The following PPM1E variants were observed in gnomAD, a reference collection of about 807,000 sequenced individuals.
The protein encoded by PPM1E is protein phosphatase 1E.
In PPM1E, 20 loss-of-function variants were observed where a neutral mutation model predicts 65.9. The observed-to-expected ratio is 0.30, with a 90% CI of 0.21 to 0.44. PPM1E has a LOEUF of 0.44. Ranked by LOEUF, PPM1E falls within the 20% of genes least tolerant of loss-of-function variation. The pLI, the probability that PPM1E is intolerant of heterozygous loss-of-function variation, is 1.00. For missense variants in PPM1E, 713 were observed against 953.1 expected (o/e 0.75, Z 3.32); for synonymous variants, 352 against 374.9 (o/e 0.94, Z 0.70).
chr17:58,802,862 G>A (rs1218784224), intron 1 of PPM1E, among the ~76,000 whole-genome samples: 1 of 151,974 alleles, frequency 6.6e-6, no homozygotes, highest in East Asian at 1.9e-4. Flanking sequence ...TAATGCAACT[G>A]ATTTTTGTGT....
intron 2 of PPM1E, among the ~76,000 whole-genome samples, chr17:58,960,084 C>G (rs963434958): frequency 1.3e-5 from 2 of 152,178 alleles, no homozygotes; most frequent in Non-Finnish European, 2.9e-5. Context: ...TGACTACCTT[C>G]CAGGATAAGG....
intron 1 of PPM1E, among the ~76,000 whole-genome samples, chr17:58,838,675 T>C (rs1337527324): frequency 6.6e-6 from 1 of 152,198 alleles, no homozygotes; most frequent in African/African-American, 2.4e-5. Flanking sequence ...CTAGGTGCAA[T>C]AGACATACCC....
At chr17:58,950,906 G>A (rs1476081259) in intron 1 of PPM1E, among the ~76,000 whole-genome samples, 1 of 151,306 alleles carries the variant, frequency 6.6e-6, no homozygotes, top group Non-Finnish European at 1.5e-5. Context: ...AGCCTCCCCA[G>A]TAGCTGGGAC....
chr17:58,775,128 G>GTGT (rs2049981143), intron 1 of PPM1E, among the ~76,000 whole-genome samples: 2 of 152,130 alleles, frequency 1.3e-5, no homozygotes, highest in Admixed American at 1.3e-4. Context: ...TGGAATTACA[G>GTGT]GTGTGATAAA....
chr17:58,943,977 C>G (rs2052109216), intron 1 of PPM1E, among the ~76,000 whole-genome samples: 1 of 152,164 alleles, frequency 6.6e-6, no homozygotes, highest in South Asian at 2.1e-4. Context: ...CTACTAACAT[C>G]TAAAAACATA....
At chr17:58,781,210 A>C (rs577599243) in intron 1 of PPM1E, among the ~76,000 whole-genome samples, 2 of 144,254 alleles carry the variant, frequency 1.4e-5, no homozygotes, top group African/African-American at 5.2e-5. Context: ...TCACGATCTC[A>C]GCTCACTGCA....
intron 1 of PPM1E, among the ~76,000 whole-genome samples, chr17:58,792,597 C>G (rs1229066795): frequency 6.6e-6 from 1 of 151,754 alleles, no homozygotes; most frequent in South Asian, 2.1e-4. Flanking sequence ...CCGCCTTGGG[C>G]TCCTAAAGTG....
chr17:58,853,144 C>A (rs2050845361), intron 1 of PPM1E, among the ~76,000 whole-genome samples: 1 of 152,088 alleles, frequency 6.6e-6, no homozygotes, highest in Non-Finnish European at 1.5e-5. Flanking sequence ...TTGCCTGTAT[C>A]TTTGATGTCA....
intron 1 of PPM1E, among the ~76,000 whole-genome samples, chr17:58,942,310 C>T (rs1464938518): frequency 1.3e-5 from 2 of 152,044 alleles, no homozygotes; most frequent in Admixed American, 6.6e-5. Flanking sequence ...TGCTTGAGCC[C>T]AGGAGTTTGA....
intron 1 of PPM1E, among the ~76,000 whole-genome samples, chr17:58,864,660 G>C (rs182158502): frequency 6.6e-6 from 1 of 150,612 alleles, no homozygotes; most frequent in African/African-American, 2.4e-5. Flanking sequence ...AATGATGGCT[G>C]GGCGCAGTGG....
intron 1 of PPM1E, among the ~76,000 whole-genome samples, chr17:58,842,995 G>A (rs1423694566): frequency 6.6e-6 from 1 of 151,644 alleles, no homozygotes; most frequent in East Asian, 2.0e-4. Flanking sequence ...TTTAAAAAGT[G>A]TAGAACAGGC....
chr17:58,933,505 A>G (rs570533702), intron 1 of PPM1E, among the ~76,000 whole-genome samples: 2 of 152,324 alleles, frequency 1.3e-5, no homozygotes, highest in South Asian at 4.1e-4. Flanking sequence ...ATTTAGAAAG[A>G]TGGAAACAGG....
intron 6 of PPM1E, among the ~76,000 whole-genome samples, chr17:58,979,673 T>C (rs1342400063): frequency 6.6e-6 from 1 of 152,190 alleles, no homozygotes; most frequent in African/African-American, 2.4e-5. Flanking sequence ...CTTTTAGATC[T>C]GACATTGTTG....
rs369718056 is a variant in PPM1E at position 58,761,346 on chromosome 17, A to G, written c.464+4885A>G. 5.1e-4 allele frequency among the ~76,000 whole-genome samples: 77 copies of G among 152,082 alleles called. 1 individual carries two copies. In the South Asian group the frequency reaches 0.015, roughly 30 times the overall value. On this transcript the variant is annotated intron_variant, in intron 1 of 6. Transcript: ENST00000308249. ...CCCAGGAGCTGGGGGCAACATCTGGACCTCTCTTTGGACAAGTTTTTTACT... is the reference window on the plus strand; with the variant it reads ...CCCAGGAGCTGGGGGCAACATCTGGGCCTCTCTTTGGACAAGTTTTTTACT...
chr17:58,783,061 A>G (rs1323496443), intron 1 of PPM1E, among the ~76,000 whole-genome samples: 4 of 152,216 alleles, frequency 2.6e-5, no homozygotes, highest in Non-Finnish European at 5.9e-5. Context: ...TGAACTAATT[A>G]TATCTGAGAT....
intron 1 of PPM1E, among the ~76,000 whole-genome samples, chr17:58,818,766 G>C (rs2050451513): frequency 6.6e-6 from 1 of 152,150 alleles, no homozygotes; most frequent in Admixed American, 6.5e-5. Flanking sequence ...CTTGCTTTCT[G>C]GAAAAATCTC....
intron 1 of PPM1E, among the ~76,000 whole-genome samples, chr17:58,859,505 A>G (rs563957722): frequency 6.6e-6 from 1 of 152,324 alleles, no homozygotes; most frequent in African/African-American, 2.4e-5. Flanking sequence ...CATTGCTAGG[A>G]AGGCTTATTA....
At chr17:58,912,558 G>A (rs2051639446) in intron 1 of PPM1E, among the ~76,000 whole-genome samples, 1 of 152,198 alleles carries the variant, frequency 6.6e-6, no homozygotes, top group South Asian at 2.1e-4. Context: ...GATGGTCAGT[G>A]TGACACTGTG....
chr17:58,931,066 TAAAAAA>T (rs774968022), intron 1 of PPM1E, among the ~76,000 whole-genome samples: 26 of 83,138 alleles, frequency 3.1e-4, no homozygotes, highest in African/African-American at 1.2e-3. Context: ...ATACAAAAAT[TAAAAAA>T]AAAAAAAAAA....
Sources: allele counts gnomAD v4.1 joint callset (sites outside exome capture counted in the v4.1 genomes callset), GRCh38; gene constraint gnomAD v4.1.1; transcripts MANE v1.5; gene names NCBI Gene and HGNC (gene_info 2026-07-23, HGNC 2026-07-21).